EEFSEC: variants seen among roughly 807,000 people sequenced by gnomAD.
EEFSEC encodes eukaryotic elongation factor, selenocysteine-tRNA specific, also known as selenocysteine-specific elongation factor.
EEFSEC carries 43 observed loss-of-function variants against 42.1 expected under a neutral mutation model. The observed-to-expected ratio is 1.02, with a 90% CI of 0.80 to 1.32. The LOEUF (loss-of-function observed/expected upper bound fraction) is 1.32, where lower values mean the gene tolerates loss of function less well. EEFSEC is among the 40% of genes most tolerant of loss of function. The pLI, the probability that EEFSEC is intolerant of heterozygous loss-of-function variation, is 0.00. For missense variants in EEFSEC, 745 were observed against 803.6 expected, an observed-to-expected ratio of 0.93 and a Z score of 0.88; for synonymous variants, 354 against 339.1, an observed-to-expected ratio of 1.04 and a Z score of -0.48.
chr3:128,279,950 C>T (rs1022405826), intron 4 of EEFSEC, among the ~76,000 whole-genome samples: 3 of 152,230 alleles, frequency 2.0e-5, no homozygotes, highest in Non-Finnish European at 4.4e-5. Flanking sequence ...TTCTCTAAAC[C>T]GTGCGATACC....
At chr3:128,306,048 C>T (rs145066023) in intron 4 of EEFSEC, among the ~76,000 whole-genome samples, 52 of 152,180 alleles carry the variant, frequency 3.4e-4, no homozygotes, top group Admixed American at 6.5e-4. Context: ...GTCTCATTTC[C>T]AAGTTGTTTG....
At chr3:128,233,780 G>A (rs1207316578) in intron 1 of EEFSEC, among the ~76,000 whole-genome samples, 5 of 152,124 alleles carry the variant, frequency 3.3e-5, no homozygotes, top group Non-Finnish European at 7.3e-5. Context: ...CTCCTGTTGA[G>A]TTGGAGGTTT....
chr3:128,410,368 G>A (rs1328822148), downstream of EEFSEC, among the ~76,000 whole-genome samples: 3 of 152,200 alleles, frequency 2.0e-5, no homozygotes, highest in African/African-American at 7.2e-5. Context: ...GACCTTGGGT[G>A]TGTCACTGTC....
intron 6 of EEFSEC, among the ~76,000 whole-genome samples, chr3:128,371,174 T>C (rs568496703): frequency 2.1e-4 from 32 of 152,140 alleles, no homozygotes; most frequent in African/African-American, 7.5e-4. Flanking sequence ...TGGAATCCAA[T>C]TGAGGCCCTG....
chr3:128,154,610 C>T (rs1248215402), intron 1 of EEFSEC, among the ~76,000 whole-genome samples: 1 of 151,916 alleles, frequency 6.6e-6, no homozygotes, highest in Non-Finnish European at 1.5e-5. Flanking sequence ...CCACCACGCC[C>T]GGCTAATTTT....
At chr3:128,269,978 C>T (rs1203290279) in intron 4 of EEFSEC, among the ~76,000 whole-genome samples, 4 of 152,144 alleles carry the variant, frequency 2.6e-5, no homozygotes, top group Non-Finnish European at 5.9e-5. Flanking sequence ...GCTGGGAGTG[C>T]AGAGGGACTC....
intron 1 of EEFSEC, among the ~76,000 whole-genome samples, chr3:128,197,225 G>A (rs891862686): frequency 3.3e-5 from 5 of 152,204 alleles, no homozygotes; most frequent in Non-Finnish European, 7.3e-5. Flanking sequence ...TCTGTCCTAG[G>A]TTGGATTATT....
chr3:128,399,799 G>A (rs970893845), intron 6 of EEFSEC, among the ~76,000 whole-genome samples: 13 of 151,628 alleles, frequency 8.6e-5, no homozygotes, highest in Admixed American at 3.3e-4. Context: ...GTCCTCCTGG[G>A]CCTCTCTGTC....
intron 6 of EEFSEC, among the ~76,000 whole-genome samples, chr3:128,395,484 G>A (rs2067970302): frequency 6.6e-6 from 1 of 152,130 alleles, no homozygotes; most frequent in South Asian, 2.1e-4. Flanking sequence ...TTCTTCCCAG[G>A]GCTTTTCACT....
intron 6 of EEFSEC, among the ~76,000 whole-genome samples, chr3:128,402,602 G>A (rs1246245489): frequency 6.6e-6 from 1 of 152,234 alleles, no homozygotes; most frequent in Non-Finnish European, 1.5e-5. Context: ...ACGGTGTTAC[G>A]AGAGGATTCA....
chr3:128,314,999 T>C (rs2066929396), intron 4 of EEFSEC, among the ~76,000 whole-genome samples: 1 of 152,218 alleles, frequency 6.6e-6, no homozygotes, highest in African/African-American at 2.4e-5. Flanking sequence ...TGCTTCCTAA[T>C]GTGCCTTTGG....
intron 4 of EEFSEC, among the ~76,000 whole-genome samples, chr3:128,280,725 C>T (rs1323875424): frequency 1.3e-5 from 2 of 152,216 alleles, no homozygotes; most frequent in African/African-American, 4.8e-5. Flanking sequence ...GCACAGCAAG[C>T]GGCAGCCTCT....
chr3:128,228,661 G>C (rs1210456758), intron 1 of EEFSEC, among the ~76,000 whole-genome samples: 2 of 151,988 alleles, frequency 1.3e-5, no homozygotes, highest in Non-Finnish European at 2.9e-5. Flanking sequence ...TAGATACCAG[G>C]TCCGCGGCCT....
chr3:128,191,680 T>A (rs2065525950), intron 1 of EEFSEC, among the ~76,000 whole-genome samples: 1 of 152,198 alleles, frequency 6.6e-6, no homozygotes. Flanking sequence ...TAAATTTGAC[T>A]ACTCTAGGGA....
chr3:128,305,366 G>A (rs866692501), intron 4 of EEFSEC, among the ~76,000 whole-genome samples: 1 of 152,020 alleles, frequency 6.6e-6, no homozygotes, highest in Non-Finnish European at 1.5e-5. Flanking sequence ...TCAAGTCTTG[G>A]TATTAGTATG....
intron 1 of EEFSEC, among the ~76,000 whole-genome samples, chr3:128,154,135 A>T (rs531492708): frequency 1.6e-4 from 25 of 152,222 alleles, no homozygotes; most frequent in African/African-American, 5.5e-4. Flanking sequence ...AGAAAACTCA[A>T]AATAAGAAAA....
chr3:128,199,360 T>A (rs1018110223), intron 1 of EEFSEC, among the ~76,000 whole-genome samples: 10 of 152,182 alleles, frequency 6.6e-5, no homozygotes, highest in African/African-American at 2.4e-4. Flanking sequence ...TATGCTTATG[T>A]TAGTCTATTA....
At chr3:128,165,071 G>T (rs949392144) in intron 1 of EEFSEC, among the ~76,000 whole-genome samples, 2 of 152,234 alleles carry the variant, frequency 1.3e-5, no homozygotes, top group Non-Finnish European at 2.9e-5. Flanking sequence ...GGAGATGAAA[G>T]AATGGACTTT....
chr3:128,276,294 C>T lies in EEFSEC; in HGVS notation c.786+11513C>T, dbSNP rs73197371. ...TAAACATTCTTGGTCCACCCCGGGT[C>T]CCTGAATTCCAGTCAGCAGGAACCA... On this transcript the variant is annotated intron_variant, in intron 4 of 6. Transcript: ENST00000254730. 8.6e-3 allele frequency among the ~76,000 whole-genome samples: 1,311 copies of T among 152,282 alleles called. 9 individuals are homozygous for T. Among genetic ancestry groups the T allele is most frequent in the Middle Eastern group, 0.017 (5 of 294 alleles).
Sources: allele counts gnomAD v4.1 joint callset (sites outside exome capture counted in the v4.1 genomes callset), GRCh38; gene constraint gnomAD v4.1.1; transcripts MANE v1.5; gene names NCBI Gene and HGNC (gene_info 2026-07-23, HGNC 2026-07-21).